The following DAB1 variants were observed in gnomAD, a reference collection of about 807,000 sequenced individuals.
DAB1 encodes the protein disabled homolog 1.
In DAB1, 15 loss-of-function variants were observed where a neutral mutation model predicts 64.6. That is an observed-to-expected ratio of 0.23 (90% confidence interval 0.16 to 0.36). The LOEUF is 0.36. Ranked by LOEUF, DAB1 falls within the 10% of genes least tolerant of loss-of-function variation. The pLI is 1.00. For missense variants in DAB1, 596 were observed against 706.7 expected (o/e 0.84, Z 1.78); for synonymous variants, 235 against 251.9 (o/e 0.93, Z 0.64).
chr1:58,242,360 T>A (rs1660336227), intron 4 of DAB1, among the ~76,000 whole-genome samples: 1 of 152,080 alleles, frequency 6.6e-6, no homozygotes, highest in South Asian at 2.1e-4. Flanking sequence ...GTTAGACCAG[T>A]TTGTAAACAA....
At chr1:58,015,726 G>A (rs989736818) in intron 5 of DAB1, among the ~76,000 whole-genome samples, 2 of 152,132 alleles carry the variant, frequency 1.3e-5, no homozygotes, top group Non-Finnish European at 2.9e-5. Flanking sequence ...ACCTATTGAA[G>A]ATTTTATTTT....
chr1:58,243,504 G>A (rs953810847), intron 4 of DAB1, among the ~76,000 whole-genome samples: 1 of 152,062 alleles, frequency 6.6e-6, no homozygotes, highest in African/African-American at 2.4e-5. Flanking sequence ...TCTGCAATAT[G>A]GCTGGGGTTT....
At chr1:57,818,167 A>G (rs1160570132) in intron 6 of DAB1, among the ~76,000 whole-genome samples, 1 of 152,194 alleles carries the variant, frequency 6.6e-6, no homozygotes, top group East Asian at 1.9e-4. Context: ...GAGGGGTGTT[A>G]TAATGATGGT....
chr1:58,348,123 T>G (rs1053274771), intron 3 of DAB1, among the ~76,000 whole-genome samples: 3 of 152,184 alleles, frequency 2.0e-5, no homozygotes, highest in Non-Finnish European at 4.4e-5. Flanking sequence ...CCTTTTGCCA[T>G]TTTGTGACCA....
At chr1:58,192,633 G>A (rs543014057) in intron 4 of DAB1, among the ~76,000 whole-genome samples, 29 of 152,072 alleles carry the variant, frequency 1.9e-4, no homozygotes, top group Non-Finnish European at 4.0e-4. Flanking sequence ...CCATGTGTGC[G>A]TGTGTGTATG....
rs143094943 is a variant in DAB1, at chr1:57,358,351, T to G, written c.-137+65579A>C. Among the ~76,000 whole-genome samples, 366 of 152,184 alleles carry G rather than the reference T, an allele frequency of 2.4e-3. 3 individuals are homozygous for G. Among genetic ancestry groups the G allele is most frequent in the Non-Finnish European group, 3.9e-3 (268 of 67,962 alleles). On this transcript the variant is annotated intron_variant, in intron 1 of 14. Transcript: ENST00000371236. ...ATACCTAATTTGTTGAGAGCTTTTA[T>G]TATAAAGAGATGTTACATTTTGTCA...
chr1:57,055,910 G>C (rs1008320714), intron 9 of DAB1, among the ~76,000 whole-genome samples: 1 of 152,112 alleles, frequency 6.6e-6, no homozygotes, highest in African/African-American at 2.4e-5. Flanking sequence ...AAAGAAGTAG[G>C]GGGAAGAAAC....
At chr1:58,121,041 C>A (rs1299311386) in intron 5 of DAB1, among the ~76,000 whole-genome samples, 1 of 152,074 alleles carries the variant, frequency 6.6e-6, no homozygotes, top group Non-Finnish European at 1.5e-5. Context: ...GGCAATTTTG[C>A]TACTATCTTG....
chr1:57,973,403 T>C (rs1360711523), intron 5 of DAB1, among the ~76,000 whole-genome samples: 12 of 152,220 alleles, frequency 7.9e-5, no homozygotes, highest in Non-Finnish European at 1.8e-4. Context: ...TAAATTTCTG[T>C]TGTTTTAAAC....
chr1:58,415,300 G>T, intron 3 of DAB1: 1 of 171,248 alleles, frequency 5.8e-6, no homozygotes, highest in Non-Finnish European at 1.2e-5. Flanking sequence ...AAATAAATTT[G>T]GCTTTAAGCC....
chr1:57,428,892 AT>A (rs1052610482), upstream of DAB1, among the ~76,000 whole-genome samples: 65 of 139,992 alleles, frequency 4.6e-4, no homozygotes, highest in Middle Eastern at 3.4e-3. Flanking sequence ...GTTTGTTTTG[AT>A]TTTTTTTGTT....
intron 2 of DAB1, among the ~76,000 whole-genome samples, chr1:57,243,394 C>T (rs951460361): frequency 2.8e-4 from 43 of 152,124 alleles, no homozygotes; most frequent in African/African-American, 9.7e-4. Context: ...TGTGGCTTTT[C>T]CCAATACTTT....
At chr1:58,077,018 T>C (rs1029505396) in intron 5 of DAB1, among the ~76,000 whole-genome samples, 1 of 152,186 alleles carries the variant, frequency 6.6e-6, no homozygotes, top group African/African-American at 2.4e-5. Context: ...GCTCAGGCCC[T>C]GTGCAAGCAA....
intron 4 of DAB1, among the ~76,000 whole-genome samples, chr1:58,266,019 T>TACACAC (rs920160399): frequency 7.3e-6 from 1 of 136,690 alleles, no homozygotes; most frequent in Non-Finnish European, 1.5e-5. Flanking sequence ...TCTGTCTCTA[T>TACACAC]ACACACACAC....
At chr1:57,063,065 C>T in intron 8 of DAB1, 122 bp from the exon 9 acceptor site, 1 of 738,290 alleles carries the variant, frequency 1.4e-6, no homozygotes, top group Non-Finnish European at 2.3e-6. Context: ...CAGGGACAAG[C>T]CCATGGGAAC....
At chr1:57,463,906 T>C (rs1420847294) in intron 7 of DAB1, among the ~76,000 whole-genome samples, 1 of 152,082 alleles carries the variant, frequency 6.6e-6, no homozygotes, top group African/African-American at 2.4e-5. Context: ...CACAAACCTA[T>C]CAACAACAAA....
At chr1:58,332,340 A>G (rs1031606406) in intron 4 of DAB1, among the ~76,000 whole-genome samples, 23 of 151,916 alleles carry the variant, frequency 1.5e-4, no homozygotes, top group African/African-American at 5.3e-4. Context: ...ATATTTTTTC[A>G]TGTTCCCCCA....
At chr1:57,261,179 C>T (rs1670154033) in intron 2 of DAB1, among the ~76,000 whole-genome samples, 1 of 152,110 alleles carries the variant, frequency 6.6e-6, no homozygotes, top group Non-Finnish European at 1.5e-5. Context: ...GCCACCCCAC[C>T]TGCCACCCCA....
intron 6 of DAB1, among the ~76,000 whole-genome samples, chr1:57,807,308 G>A (rs1388544051): frequency 6.6e-6 from 1 of 152,016 alleles, no homozygotes; most frequent in Non-Finnish European, 1.5e-5. Context: ...ATTGAATAGG[G>A]CAGATACAAT....
Sources: allele counts gnomAD v4.1 joint callset (sites outside exome capture counted in the v4.1 genomes callset), GRCh38; gene constraint gnomAD v4.1.1; transcripts MANE v1.5; gene names NCBI Gene and HGNC (gene_info 2026-07-23, HGNC 2026-07-21).